Variants in STPG2 observed in about 807,000 individuals in gnomAD.
The protein encoded by STPG2 is sperm tail PG-rich repeat containing 2, also known as sperm-tail PG-rich repeat-containing protein 2.
A neutral mutation model predicts 54.2 loss-of-function variants in STPG2; 56 were observed. That is an observed-to-expected ratio of 1.03 (90% CI 0.83 to 1.29). STPG2 has a LOEUF of 1.29. Among genes scored for constraint, STPG2 ranks in the 50% most tolerant of loss-of-function variants. The pLI is 0.00. For missense variants in STPG2, 596 were observed against 544.9 expected (o/e 1.09, Z -0.93); for synonymous variants, 200 against 181.8 (o/e 1.10, Z -0.81).
intron 5 of STPG2, among the ~76,000 whole-genome samples, chr4:98,062,731 T>A (rs1737702053): frequency 6.6e-6 from 1 of 152,066 alleles, no homozygotes; most frequent in South Asian, 2.1e-4. Flanking sequence ...TAAAAGAAGA[T>A]GATGGTAACT....
intron 10 of STPG2, among the ~76,000 whole-genome samples, chr4:97,601,737 G>A (rs908220784): frequency 1.3e-5 from 2 of 151,844 alleles, no homozygotes; most frequent in African/African-American, 2.4e-5. Flanking sequence ...ATAAAATCTT[G>A]TAATGTGGTA....
At chr4:97,716,739 G>A (rs1724302131) in intron 9 of STPG2, among the ~76,000 whole-genome samples, 1 of 151,738 alleles carries the variant, frequency 6.6e-6, no homozygotes, top group Non-Finnish European at 1.5e-5. Context: ...AATAACATTA[G>A]GAGAAATACC....
At position 97,981,214 on chromosome 4, in the gene STPG2, T is replaced by C. The variant is rs1488193066; in HGVS notation, c.717A>G (p.Pro239=). The change falls in exon 6 of 11, where the codon CCA becomes CCG. Residue 239 remains proline (P), a synonymous_variant. Coordinates refer to ENST00000295268, the MANE Select transcript of STPG2 (RefSeq NM_174952.3). ...LKKTSGLKNI[P]FGQSAVRFTQ... ...TGAATCGAACAGCACTTTGACCAAA[T>C]GGAATATTTTTCAGTCCTGATGTTT... 1.2e-6 allele frequency: 2 copies of C among 1,614,032 alleles called. No homozygotes were observed. The highest frequency in any genetic ancestry group is 1.1e-5 in the South Asian group (1 of 91,080).
chr4:97,981,378 A>T, intron 5 of STPG2, 60 bp from the exon 6 acceptor site: 1 of 1,543,110 alleles, frequency 6.5e-7, no homozygotes, highest in African/African-American at 1.4e-5. Context: ...ATACTTCATG[A>T]GTTAAAACCT....
chr4:97,479,942 T>C (rs1186553611), intron 4 of STPG2, among the ~76,000 whole-genome samples: 1 of 151,860 alleles, frequency 6.6e-6, no homozygotes, highest in African/African-American at 2.4e-5. Flanking sequence ...ACTATAATTC[T>C]GTAGATCCAG....
intron 5 of STPG2, among the ~76,000 whole-genome samples, chr4:98,033,741 A>G (rs868770041): frequency 6.6e-6 from 1 of 152,324 alleles, no homozygotes; most frequent in South Asian, 2.1e-4. Flanking sequence ...CACATCAAAA[A>G]GCTTATCCAC....
rs1478662120 is a variant in STPG2, at chr4:97,657,328, A to C, written c.1320+55371T>G. 2.6e-5 allele frequency among the ~76,000 whole-genome samples: 4 copies of C among 152,206 alleles called. 1 individual carries two copies. Among genetic ancestry groups the C allele is most frequent in the Admixed American group, 6.5e-5 (1 of 15,282 alleles). ...CTGGCCAATCATCATTCAGATAGGC[A>C]GAGTAATTAAATTCCATCATCTTTG... is the stretch of plus-strand genomic sequence containing the variant. On this transcript the variant is annotated intron_variant, in intron 10 of 10. Coordinates refer to ENST00000295268, the MANE Select transcript of STPG2 (RefSeq NM_174952.3).
chr4:97,737,029 C>G (rs1452735455), intron 9 of STPG2, among the ~76,000 whole-genome samples: 2 of 152,132 alleles, frequency 1.3e-5, no homozygotes, highest in African/African-American at 4.8e-5. Context: ...GAGGAACGAC[C>G]AGACAGCAGC....
intron 1 of STPG2, among the ~76,000 whole-genome samples, chr4:98,141,515 G>C (rs1027466299): frequency 6.6e-6 from 1 of 152,208 alleles, no homozygotes; most frequent in African/African-American, 2.4e-5. Flanking sequence ...CCAGTCTTCA[G>C]ATAGACTCAA....
intron 4 of STPG2, among the ~76,000 whole-genome samples, chr4:97,485,301 C>G (rs1177248613): frequency 6.6e-6 from 1 of 151,554 alleles, no homozygotes; most frequent in Non-Finnish European, 1.5e-5. Context: ...TTGTTTACCT[C>G]AAAAACTCTA....
At chr4:97,558,826 T>C (rs938618391), downstream of STPG2, 3 of 469,700 alleles carry the variant, frequency 6.4e-6, no homozygotes, top group African/African-American at 2.1e-5. Flanking sequence ...TGGGGTTAAC[T>C]GTTAAGCAAT....
intron 4 of STPG2, among the ~76,000 whole-genome samples, chr4:97,460,495 A>G (rs1241076930): frequency 6.6e-6 from 1 of 151,734 alleles, no homozygotes; most frequent in Non-Finnish European, 1.5e-5. Flanking sequence ...GACAATCTCA[A>G]CTAAGATTAT....
chr4:97,966,623 G>C (rs1463900628), intron 7 of STPG2, among the ~76,000 whole-genome samples: 4 of 152,150 alleles, frequency 2.6e-5, no homozygotes, highest in Non-Finnish European at 5.9e-5. Context: ...CAGCCAGAGA[G>C]AAAGGTCGGG....
intron 5 of STPG2, among the ~76,000 whole-genome samples, chr4:98,072,603 TAAAATAAA>T (rs1560666437): frequency 1.5e-4 from 15 of 96,914 alleles, no homozygotes; most frequent in African/African-American, 4.0e-4. Context: ...TAAAATAAAA[TAAAATAAA>T]ATAAAACAAA....
At chr4:97,906,034 A>G (rs1222157895) in intron 8 of STPG2, among the ~76,000 whole-genome samples, 2 of 152,156 alleles carry the variant, frequency 1.3e-5, no homozygotes, top group African/African-American at 4.8e-5. Flanking sequence ...AACTGAAGGA[A>G]ATAGAGACAC....
intron 10 of STPG2, among the ~76,000 whole-genome samples, chr4:97,695,810 G>T (rs1455902270): frequency 6.7e-6 from 1 of 148,700 alleles, no homozygotes; most frequent in Non-Finnish European, 1.5e-5. Flanking sequence ...GGAAGTGAAA[G>T]ACTTCTGCAA....
chr4:97,526,731 T>C (rs934743258), intron 4 of STPG2, among the ~76,000 whole-genome samples: 3 of 152,266 alleles, frequency 2.0e-5, no homozygotes, highest in Middle Eastern at 3.4e-3. Flanking sequence ...TTTGGTGTTT[T>C]AGTCATGAAG....
rs534119586 is a variant in STPG2 at position 97,686,460 on chromosome 4, T to C, written c.1320+26239A>G. On this transcript the variant is annotated intron_variant, in intron 10 of 10. Coordinates refer to ENST00000295268, the MANE Select transcript of STPG2 (RefSeq NM_174952.3). ...ACCTCAATGTTAACACCTTTCAGTTTGTTTTTGCTTCTTGTTTTAATTAGG... is the reference window on the plus strand; with the variant it reads ...ACCTCAATGTTAACACCTTTCAGTTCGTTTTTGCTTCTTGTTTTAATTAGG... Among the ~76,000 whole-genome samples, 316 of 152,250 alleles carry C rather than the reference T, an allele frequency of 2.1e-3. 1 individual carries two copies. Among genetic ancestry groups the C allele is most frequent in the Non-Finnish European group, 3.7e-3 (251 of 68,028 alleles).
intron 8 of STPG2, among the ~76,000 whole-genome samples, chr4:97,884,351 T>A (rs1191626410): frequency 1.3e-5 from 2 of 152,146 alleles, no homozygotes; most frequent in Non-Finnish European, 2.9e-5. Context: ...GCATTTAAAA[T>A]GGTAATTAAG....
Sources: allele counts gnomAD v4.1 joint callset (sites outside exome capture counted in the v4.1 genomes callset), GRCh38; gene constraint gnomAD v4.1.1; transcripts MANE v1.5; gene names NCBI Gene and HGNC (gene_info 2026-07-23, HGNC 2026-07-21).